The following ESR1 variants were observed in gnomAD, a reference collection of about 807,000 sequenced individuals.
ESR1 encodes the protein estrogen receptor 1.
Under a neutral mutation model 52.7 loss-of-function variants are expected in ESR1, and 12 were observed. That is an observed-to-expected ratio of 0.23 (90% CI 0.15 to 0.37). The LOEUF is 0.37. Among genes scored for constraint, ESR1 ranks in the 10% least tolerant of loss-of-function variants. ESR1 has a pLI of 1.00. For missense variants in ESR1, 584 were observed against 779.7 expected, an observed-to-expected ratio of 0.75 and a Z score of 2.99; for synonymous variants, 305 against 316.8, an observed-to-expected ratio of 0.96 and a Z score of 0.39.
chr6:151,690,598 A>G (rs1185388299), exon 1 of ESR1: 1 of 152,208 alleles, frequency 6.6e-6, no homozygotes, highest in Non-Finnish European at 1.5e-5. Context: ...CGAAAGGTCC[A>G]TGCTCCTTTC....
intron 2 of ESR1, among the ~76,000 whole-genome samples, chr6:151,863,788 G>C (rs564452551): frequency 3.6e-4 from 55 of 152,036 alleles, no homozygotes; most frequent in Admixed American, 6.6e-4. Flanking sequence ...TTTGACAAAC[G>C]TGACAAAAAC....
At chr6:151,889,034 T>C (rs770856745) in intron 3 of ESR1, among the ~76,000 whole-genome samples, 16 of 152,196 alleles carry the variant, frequency 1.1e-4, no homozygotes, top group Non-Finnish European at 2.1e-4. Flanking sequence ...TCATGGTGAA[T>C]GATTCTTTTT....
rs116512694 is a variant in ESR1 at position 152,108,950 on chromosome 6, A to G, written c.851-16316A>G. ...TGGCTTACGGTTCTGCAGGCTGTAC[A>G]GGAGGCATGGCAGCATCTGCTCAGC... On this transcript the variant is annotated intron_variant, in intron 6 of 6. Coordinates refer to the ESR1 transcript ENST00000427531. Among the ~76,000 whole-genome samples, 1,361 of 152,290 alleles carry G rather than the reference A, an allele frequency of 8.9e-3. 26 individuals carry two copies. The highest frequency in any genetic ancestry group is 0.031 in the African/African-American group (1,309 of 41,556).
At chr6:151,676,397 T>G (rs368038426) in intron 1 of ESR1, among the ~76,000 whole-genome samples, 115 of 152,298 alleles carry the variant, frequency 7.6e-4, no homozygotes, top group Non-Finnish European at 1.3e-3. Flanking sequence ...ACTCAACAAT[T>G]TGGTAGCAAT....
intron 1 of ESR1, among the ~76,000 whole-genome samples, chr6:151,656,917 G>T (rs1386617406): frequency 6.6e-6 from 1 of 152,178 alleles, no homozygotes; most frequent in Admixed American, 6.5e-5. Context: ...GTGATACCAA[G>T]ACAAGGCTGT....
In ESR1 at chr6:152,125,279, A is replaced by G. The variant is rs552930809; in HGVS notation, c.864A>G (p.Val288=). The G allele has an allele frequency of 1.0e-5, 16 of 1,550,468 alleles. No individual in the cohort carries two copies. In the Admixed American group the frequency reaches 1.8e-4, roughly 17 times the overall value. Reference sequence around the variant, plus strand: ...TTCATTTCACAGGTATCTCACATGTAGAAGCAAAGAAGAGAATCCTGAACT... The same window carrying G: ...TTCATTTCACAGGTATCTCACATGTGGAAGCAAAGAAGAGAATCCTGAACT... The change falls in exon 7 of 7, where the codon GTA becomes GTG. Residue 288 remains valine (V), a synonymous_variant. Coordinates refer to the ESR1 transcript ENST00000427531.
chr6:151,735,742 A>C (rs1782600929), intron 2 of ESR1, among the ~76,000 whole-genome samples: 1 of 152,112 alleles, frequency 6.6e-6, no homozygotes, highest in Non-Finnish European at 1.5e-5. Context: ...TAAGATATGA[A>C]TAATATGATA....
At chr6:152,078,928 T>TCTGCCATTGATGAAGCTTGAG (rs1279787886) in intron 6 of ESR1, among the ~76,000 whole-genome samples, 3 of 152,148 alleles carry the variant, frequency 2.0e-5, no homozygotes, top group African/African-American at 7.2e-5. Flanking sequence ...GGGAGGGGCG[T>TCTGCCATTGATGAAGCTTGAG]CTGCCATTGA....
intron 6 of ESR1, among the ~76,000 whole-genome samples, chr6:152,113,310 C>T (rs1387881671): frequency 1.3e-5 from 2 of 152,198 alleles, no homozygotes; most frequent in Non-Finnish European, 2.9e-5. Context: ...TTGTCAGGCA[C>T]CATCAAGCCA....
upstream of ESR1, among the ~76,000 whole-genome samples, chr6:151,687,380 G>A (rs908793983): frequency 1.4e-4 from 22 of 152,190 alleles, no homozygotes; most frequent in Non-Finnish European, 3.1e-4. Flanking sequence ...TGCTCTTCAC[G>A]AGGAAAGCCA....
At chr6:151,935,320 A>G (rs2034225595) in intron 3 of ESR1, among the ~76,000 whole-genome samples, 1 of 152,254 alleles carries the variant, frequency 6.6e-6, no homozygotes, top group Non-Finnish European at 1.5e-5. Context: ...TTTAACGTGA[A>G]GGATGAATAA....
chr6:151,944,151 T>TC, intron 3 of ESR1, 22 bp from the exon 4 acceptor site: 1 of 1,605,410 alleles, frequency 6.2e-7, no homozygotes, highest in Non-Finnish European at 8.5e-7. Flanking sequence ...AAACTAATTT[T>TC]TTTTTCCACC....
intron 2 of ESR1, among the ~76,000 whole-genome samples, chr6:151,782,461 G>A (rs886223897): frequency 2.0e-5 from 3 of 152,048 alleles, no homozygotes; most frequent in Non-Finnish European, 4.4e-5. Flanking sequence ...GGTTTTTTAA[G>A]TTTGCTTCCA....
chr6:151,963,596 A>G (rs926479032), intron 4 of ESR1, among the ~76,000 whole-genome samples: 1 of 152,128 alleles, frequency 6.6e-6, no homozygotes, highest in African/African-American at 2.4e-5. Context: ...TATTAGATTT[A>G]TGGTTTGCAA....
upstream of ESR1, among the ~76,000 whole-genome samples, chr6:151,686,896 G>A (rs868577386): frequency 1.3e-5 from 2 of 152,186 alleles, no homozygotes; most frequent in Admixed American, 6.5e-5. Flanking sequence ...AGCCAACCAT[G>A]CGGCTATAGC....
chr6:151,804,156 C>T (rs1241335342), upstream of ESR1, among the ~76,000 whole-genome samples: 3 of 152,104 alleles, frequency 2.0e-5, no homozygotes, highest in Non-Finnish European at 4.4e-5. Context: ...TACTTTCCCA[C>T]CCATGCTCAC....
rs144299444 is a variant in ESR1 at position 151,936,368 on chromosome 6, G to A, written c.761-7805G>A. 8.8e-4 allele frequency among the ~76,000 whole-genome samples: 134 copies of A among 152,228 alleles called. No individual in the cohort carries two copies. In the South Asian group the frequency reaches 0.011, roughly 12 times the overall value. ...ATTGGGCACCCTTTATCTACTAAACGTAATCTTTACTTCCCCACCCTCTAA... is the reference window on the plus strand; with the variant it reads ...ATTGGGCACCCTTTATCTACTAAACATAATCTTTACTTCCCCACCCTCTAA... On this transcript the variant is annotated intron_variant, in intron 3 of 7. Transcript: ENST00000206249.
chr6:151,981,366 G>A (rs556670858), intron 4 of ESR1, among the ~76,000 whole-genome samples: 30 of 152,254 alleles, frequency 2.0e-4, no homozygotes, highest in African/African-American at 7.0e-4. Flanking sequence ...TTTTTAATAA[G>A]AGCATCTAGA....
At position 151,735,550 on chromosome 6, in the gene ESR1, T is replaced by C. The variant is rs541667475; in HGVS notation, c.-71+33545T>C. The stretch of plus-strand genomic sequence containing the variant: ...AAGTCTTGCCTCAGTGGGAGGTACT[T>C]GGTTGTTTGTTTTTGTTTTTTTTTT... On this transcript the variant is annotated intron_variant, in intron 2 of 2. Transcript: ENST00000404742. Among the ~76,000 whole-genome samples, 3 of 152,162 alleles carry C rather than the reference T, an allele frequency of 2.0e-5. No individual in the cohort carries two copies. In the East Asian group the frequency reaches 5.8e-4, roughly 29 times the overall value.
Sources: allele counts gnomAD v4.1 joint callset (sites outside exome capture counted in the v4.1 genomes callset), GRCh38; gene constraint gnomAD v4.1.1; transcripts MANE v1.5; gene names NCBI Gene and HGNC (gene_info 2026-07-23, HGNC 2026-07-21).